Variants in CWC27 observed in about 807,000 individuals in gnomAD.
CWC27 encodes spliceosome-associated protein CWC27 homolog.
CWC27 carries 47 observed loss-of-function variants against 63.6 expected under a neutral mutation model. That is an observed-to-expected ratio of 0.74 (90% CI 0.58 to 0.94). The LOEUF is 0.94. Among genes scored for constraint, CWC27 ranks in the 40% least tolerant of loss-of-function variants. The pLI is 0.00. For missense variants in CWC27, 495 were observed against 554.3 expected, an observed-to-expected ratio of 0.89 and a Z score of 1.07; for synonymous variants, 175 against 179.8, an observed-to-expected ratio of 0.97 and a Z score of 0.22.
chr5:64,891,888 G>A (rs1008382634), intron 11 of CWC27, among the ~76,000 whole-genome samples: 3 of 151,806 alleles, frequency 2.0e-5, no homozygotes, highest in South Asian at 2.1e-4. Context: ...TCCACCTCCC[G>A]GGTTCAAGCA....
rs562592214 is a variant in CWC27 at position 65,017,579 on chromosome 5, G to T, written c.1257-580G>T. 7.2e-5 allele frequency among the ~76,000 whole-genome samples: 11 copies of T among 152,334 alleles called. No individual in the cohort carries two copies. The South Asian group carries it at 2.3e-3, about 32-fold the overall frequency. Reference sequence around the variant, plus strand: ...TGTAATCAACAGTAGAAGGAAATTAGTCCATAGAGTTATGTCAAAAGTTTA... The same window carrying T: ...TGTAATCAACAGTAGAAGGAAATTATTCCATAGAGTTATGTCAAAAGTTTA... On this transcript the variant is annotated intron_variant, in intron 13 of 13. Transcript: ENST00000381070.
In CWC27 at chr5:64,856,005, G is replaced by A. The variant is rs371832110; in HGVS notation, c.939-29438G>A. Among the ~76,000 whole-genome samples the A allele has an allele frequency of 2.0e-5, 3 of 152,044 alleles. No homozygotes were observed. In the East Asian group the frequency reaches 5.8e-4, roughly 29 times the overall value. On this transcript the variant is annotated intron_variant, in intron 10 of 13. Coordinates refer to ENST00000381070, the MANE Select transcript of CWC27 (RefSeq NM_005869.4). ...CAGGAAGAAGATTGGCTTAAGGGGA[G>A]TGTTATTAGCATCACCATCCATCCT...
rs2112341626 is a variant in CWC27 at position 64,884,221 on chromosome 5, G to A, written c.939-1222G>A. The A allele has an allele frequency of 1.3e-5, 2 of 152,212 alleles. 1 individual carries two copies. The highest frequency in any genetic ancestry group is 4.1e-4 in the South Asian group (2 of 4,822). 9.4% of individuals were successfully genotyped at this position (152,212 alleles called of 1,614,324 possible). A position where few individuals can be genotyped will look rare whatever the true frequency, so the allele number is the denominator to read the frequency against. ...GACCATGAACTACAGTTAAGGAATTGGCTTTCATTATTATGGGAATATGTG... is the reference window on the plus strand; with the variant it reads ...GACCATGAACTACAGTTAAGGAATTAGCTTTCATTATTATGGGAATATGTG... On this transcript the variant is annotated intron_variant, in intron 10 of 13. Transcript: ENST00000381070.
At chr5:64,931,936 T>G (rs1748245383) in intron 11 of CWC27, among the ~76,000 whole-genome samples, 1 of 152,098 alleles carries the variant, frequency 6.6e-6, no homozygotes, top group Non-Finnish European at 1.5e-5. Context: ...TCCTTTTATA[T>G]ATTTCCTATT....
chr5:64,820,390 A>G (rs1444836174), intron 10 of CWC27, among the ~76,000 whole-genome samples: 1 of 129,934 alleles, frequency 7.7e-6, no homozygotes, highest in Admixed American at 6.9e-5. Flanking sequence ...AGTTCTGTTT[A>G]ACTTTTTGTT....
chr5:64,820,185 C>T (rs1745154636), intron 10 of CWC27, among the ~76,000 whole-genome samples: 1 of 151,994 alleles, frequency 6.6e-6, no homozygotes, highest in African/African-American at 2.4e-5. Context: ...GGCACCTAAA[C>T]CGGGTATAAA....
At chr5:64,877,574 A>G (rs1466923696) in intron 10 of CWC27, among the ~76,000 whole-genome samples, 3 of 152,032 alleles carry the variant, frequency 2.0e-5, no homozygotes, top group Admixed American at 6.6e-5. Context: ...TTTACACAAC[A>G]CAGAAATGTT....
intron 10 of CWC27, among the ~76,000 whole-genome samples, chr5:64,814,523 A>T (rs1390423904): frequency 2.6e-5 from 4 of 152,198 alleles, no homozygotes; most frequent in Non-Finnish European, 4.4e-5. Flanking sequence ...CAGCAAAGGT[A>T]TAAGATATAC....
In CWC27 at chr5:64,855,788, G is replaced by A. The variant is rs138197633; in HGVS notation, c.939-29655G>A. Among the ~76,000 whole-genome samples the A allele has an allele frequency of 3.5e-3, 538 of 152,202 alleles. 1 individual carries two copies. The highest frequency in any genetic ancestry group is 0.015 in the South Asian group (70 of 4,824). On this transcript the variant is annotated intron_variant, in intron 10 of 13. Coordinates refer to ENST00000381070, the MANE Select transcript of CWC27 (RefSeq NM_005869.4). ...TTAAAAGAAAAAAAGACAGTTGAGG[G>A]TGTGGAGGTATGAATAACTACCAGA...
chr5:64,925,451 A>G (rs1472023645), intron 11 of CWC27, among the ~76,000 whole-genome samples: 2 of 152,206 alleles, frequency 1.3e-5, no homozygotes, highest in Admixed American at 6.5e-5. Context: ...GTAGAGAAGA[A>G]TGTTCGCCTT....
chr5:64,900,232 G>A (rs144956074), intron 11 of CWC27, among the ~76,000 whole-genome samples: 13 of 152,258 alleles, frequency 8.5e-5, no homozygotes, highest in East Asian at 5.8e-4. Flanking sequence ...TTAACACTTC[G>A]TGTGGTCACT....
At chr5:64,783,525 A>G (rs1743770325) in intron 3 of CWC27, among the ~76,000 whole-genome samples, 1 of 152,242 alleles carries the variant, frequency 6.6e-6, no homozygotes, top group African/African-American at 2.4e-5. Flanking sequence ...TTTCAAAAGC[A>G]TAGCTGACTT....
At chr5:65,018,051 T>TA in intron 13 of CWC27, 108 bp from the exon 14 acceptor site, 1 of 988,808 alleles carries the variant, frequency 1.0e-6, no homozygotes, top group Non-Finnish European at 1.4e-6. Context: ...AAACCCATCT[T>TA]GGTGTTCTGT....
At chr5:64,941,433 T>TC (rs1306250464) in intron 11 of CWC27, among the ~76,000 whole-genome samples, 1 of 152,180 alleles carries the variant, frequency 6.6e-6, no homozygotes, top group Non-Finnish European at 1.5e-5. Context: ...TGCTACTTTT[T>TC]TTATTCAGGC....
intron 7 of CWC27, among the ~76,000 whole-genome samples, chr5:64,791,450 CTGTCT>C (rs1193857347): frequency 8.9e-6 from 1 of 112,762 alleles, no homozygotes; most frequent in Non-Finnish European, 1.9e-5. Context: ...ACAGATAGTG[CTGTCT>C]TTTTTTTTTT....
At chr5:64,950,727 A>G (rs1477667548) in intron 11 of CWC27, among the ~76,000 whole-genome samples, 2 of 152,002 alleles carry the variant, frequency 1.3e-5, no homozygotes, top group Non-Finnish European at 2.9e-5. Context: ...CACCAGCACA[A>G]TCAGGACATA....
In CWC27 at chr5:64,804,391, G is replaced by T; in HGVS notation, c.938+5G>T. ...GAAGAAATCAGTCAGCCGCAGGTGAGTCAGTTACTGTGCTAGATATCAGAG... is the reference window on the plus strand; with the variant it reads ...GAAGAAATCAGTCAGCCGCAGGTGATTCAGTTACTGTGCTAGATATCAGAG... On this transcript the variant is annotated splice_donor_5th_base_variant and intron_variant, in intron 10 of 13. Coordinates refer to ENST00000381070, the MANE Select transcript of CWC27 (RefSeq NM_005869.4). 1 of 1,606,550 alleles carries T rather than the reference G, an allele frequency of 6.2e-7. No homozygotes were observed. Among genetic ancestry groups the T allele is most frequent in the Non-Finnish European group, 8.5e-7 (1 of 1,176,980 alleles).
intron 10 of CWC27, among the ~76,000 whole-genome samples, chr5:64,872,134 A>G (rs186818806): frequency 6.6e-6 from 1 of 152,314 alleles, no homozygotes; most frequent in African/African-American, 2.4e-5. Flanking sequence ...TTTGCAGAGA[A>G]TATGGCATGG....
intron 10 of CWC27, among the ~76,000 whole-genome samples, chr5:64,811,203 T>C (rs1217039520): frequency 6.6e-6 from 1 of 152,086 alleles, no homozygotes. Context: ...AAGCTTATTG[T>C]AAAGAATCCT....
Sources: allele counts gnomAD v4.1 joint callset (sites outside exome capture counted in the v4.1 genomes callset), GRCh38; gene constraint gnomAD v4.1.1; transcripts MANE v1.5; gene names NCBI Gene and HGNC (gene_info 2026-07-23, HGNC 2026-07-21).